The following NMD3 variants were observed in gnomAD, a reference collection of about 807,000 sequenced individuals.
NMD3 encodes the protein 60S ribosomal export protein NMD3.
Under a neutral mutation model 73.1 loss-of-function variants are expected in NMD3, and 47 were observed. The ratio of observed to expected loss-of-function variants is 0.64; its 90% confidence interval spans 0.51 to 0.82. The LOEUF is 0.82. Ranked by LOEUF, NMD3 falls within the 40% of genes least tolerant of loss-of-function variation. The probability of loss-of-function intolerance (pLI) is 0.00; values close to 1 mark genes in which losing one functional copy is unlikely to be tolerated. For synonymous variants in NMD3, 210 were observed against 194.5 expected (o/e 1.08, Z -0.66); for missense variants, 554 against 612.5 (o/e 0.90, Z 1.01).
At chr3:161,222,156 C>A in intron 2 of NMD3, 99 bp downstream of exon 2, 3 of 908,594 alleles carry the variant, frequency 3.3e-6, no homozygotes, top group Non-Finnish European at 5.4e-6. Context: ...TGGGAAAGAG[C>A]GTATATTGTC....
intron 4 of NMD3, among the ~76,000 whole-genome samples, chr3:161,229,179 G>C (rs1465364667): frequency 6.6e-6 from 1 of 152,204 alleles, no homozygotes; most frequent in African/African-American, 2.4e-5. Context: ...GGCCCTTATA[G>C]GGGCTGTTTC....
rs145480538 is a variant in NMD3, at chr3:161,228,585, A to T, written c.276+1242A>T. Among the ~76,000 whole-genome samples, 648 of 150,538 alleles carry T rather than the reference A, an allele frequency of 4.3e-3. 5 individuals are homozygous for T. Among genetic ancestry groups the T allele is most frequent in the African/African-American group, 0.015 (626 of 40,978 alleles). ...CCTCATTTGTCTCTGTTTTTTTATG[A>T]AGTCAGTTTTTTGTGTGTCTTGGTT... On this transcript the variant is annotated intron_variant, in intron 4 of 15. Coordinates refer to ENST00000351193, the MANE Select transcript of NMD3 (RefSeq NM_015938.5).
At chr3:161,229,100 T>C (rs1009157832) in intron 4 of NMD3, among the ~76,000 whole-genome samples, 1 of 151,790 alleles carries the variant, frequency 6.6e-6, no homozygotes, top group African/African-American at 2.4e-5. Flanking sequence ...AACGGAGTGG[T>C]GAGGGGAAAA....
intron 12 of NMD3, 126 bp downstream of exon 12, chr3:161,246,574 A>T: frequency 2.3e-6 from 1 of 429,260 alleles, no homozygotes. Context: ...TAGGAGCCTT[A>T]TAACTCATTT....
At position 161,238,775 on chromosome 3, in the gene NMD3, C is replaced by T. The variant is rs768144939; in HGVS notation, c.702C>T (p.Asn234=). ...QRLISQDIHS[N]TYNYKSTFSV... is the part of the protein sequence containing the mutation. ...TGATCTCTCAAGATATCCATAGTAA[C>T]ACATACAATTACAAAAGCACTTTTT... Residue 234 remains asparagine (N), a synonymous_variant, in exon 9 of 16, where the codon AAC becomes AAT. Transcript: ENST00000351193. 1 of 1,579,956 alleles carries T rather than the reference C, an allele frequency of 6.3e-7. No homozygotes were observed. Among genetic ancestry groups the T allele is most frequent in the Non-Finnish European group, 8.6e-7 (1 of 1,158,830 alleles).
At chr3:161,245,656 A>G (rs1197900083) in intron 11 of NMD3, among the ~76,000 whole-genome samples, 1 of 151,614 alleles carries the variant, frequency 6.6e-6, no homozygotes. Flanking sequence ...TCTCGATCTC[A>G]CTTCAGTTGG....
At chr3:161,227,042 A>G (rs536038106) in intron 3 of NMD3, among the ~76,000 whole-genome samples, 1 of 152,306 alleles carries the variant, frequency 6.6e-6, no homozygotes, top group East Asian at 1.9e-4. Context: ...TGACTTTCTC[A>G]GTCAGAATTT....
At position 161,247,282 on chromosome 3, in the gene NMD3, A is replaced by C. The variant is rs1202398518; in HGVS notation, c.1155A>C (p.Leu385Phe). 1.9e-6 allele frequency: 3 copies of C among 1,611,504 alleles called. No homozygotes were observed. The highest frequency in any genetic ancestry group is 2.2e-5 in the South Asian group (2 of 91,018). The change falls in exon 13 of 16, where the codon TTA becomes TTC. Residue 385 changes from leucine (L) to phenylalanine (F), a missense_variant. Transcript: ENST00000351193. Reference sequence around the variant, plus strand: ...GGTTTGATTTGGCCAACTGTAACTTAAATGATGAGCATGTCAACAAAATGA... The same window carrying C: ...GGTTTGATTTGGCCAACTGTAACTTCAATGATGAGCATGTCAACAAAATGA... ...VLGFDLANCN[L>F]NDEHVNKMNS...
rs1576849033 is a variant in NMD3 at position 161,235,129 on chromosome 3, A to AT, written c.495dup (p.Lys166Ter). ...AAATAATTTATATTTTAGACTTTGC[A>AT]TAAAAAAACTTTCTACTATCTGGAA... On this transcript the variant is annotated frameshift_variant, in exon 7 of 16. Transcript: ENST00000351193. LOFTEE classifies it high-confidence loss of function. The AT allele has an allele frequency of 6.7e-7, 1 of 1,484,780 alleles. No homozygotes were observed. Among genetic ancestry groups the AT allele is most frequent in the Admixed American group, 1.9e-5 (1 of 51,838 alleles). The allele number at this position is 1,484,780 out of a possible 1,614,324, so 92.0% of individuals were successfully genotyped here. A position where few individuals can be genotyped will look rare whatever the true frequency, so the allele number is the denominator to read the frequency against.
At chr3:161,237,837 C>G (rs1214139478) in intron 7 of NMD3, among the ~76,000 whole-genome samples, 2 of 151,970 alleles carry the variant, frequency 1.3e-5, no homozygotes, top group African/African-American at 4.8e-5. Context: ...TGTTCATAAA[C>G]TTTCTTTGTT....
intron 7 of NMD3, among the ~76,000 whole-genome samples, chr3:161,236,916 C>T (rs1453449712): frequency 6.6e-6 from 1 of 152,108 alleles, no homozygotes; most frequent in Non-Finnish European, 1.5e-5. Context: ...ATCTATATAT[C>T]TATCCTTATA....
chr3:161,228,817 A>G (rs1304923443), intron 4 of NMD3, among the ~76,000 whole-genome samples: 1 of 152,304 alleles, frequency 6.6e-6, no homozygotes, highest in Admixed American at 6.5e-5. Context: ...GCATGTTAGT[A>G]TGCAGCGATC....
intron 5 of NMD3, 33 bp downstream of exon 5, chr3:161,233,512 A>C: frequency 7.4e-7 from 1 of 1,345,516 alleles, no homozygotes; most frequent in Non-Finnish European, 1.1e-6. Flanking sequence ...AGCATGGTTA[A>C]AGTGCAGGTA....
intron 14 of NMD3, 110 bp from the exon 15 acceptor site, chr3:161,250,146 T>C (rs1236031204): frequency 3.3e-6 from 2 of 600,746 alleles, no homozygotes; most frequent in Non-Finnish European, 5.8e-6. Flanking sequence ...TTTCATGAAA[T>C]GTGAGTTGGA....
Position 161,251,511 on chromosome 3 carries a change from G to T in NMD3, c.*601G>T, listed in dbSNP as rs1737487126. ...ACAGAGAGTTATCTTAATTTTTATT[G>T]CAGTAGGAGGAAATATATTTAAAAT... On this transcript the variant is annotated 3_prime_UTR_variant, in exon 16 of 16. Transcript: ENST00000351193. 1.3e-5 allele frequency: 2 copies of T among 151,908 alleles called. No homozygotes were observed. Among genetic ancestry groups the T allele is most frequent in the Admixed American group, 1.3e-4 (2 of 15,228 alleles). The allele number at this position is 151,908 out of a possible 1,614,324, so 9.4% of individuals were successfully genotyped here. A position where few individuals can be genotyped will look rare whatever the true frequency, so the allele number is the denominator to read the frequency against.
chr3:161,234,817 A>G lies in NMD3; in HGVS notation c.448A>G (p.Lys150Glu). 1 of 1,613,462 alleles carries G rather than the reference A, an allele frequency of 6.2e-7. No homozygotes were observed. Among genetic ancestry groups the G allele is most frequent in the East Asian group, 2.2e-5 (1 of 44,762 alleles). ...TGGAGATTGCCATAGAGTAGAAGCT[A>G]AGGATTTCTGGAAGGCTGTGATTCA... ...MCGDCHRVEA[K>E]DFWKAVIQVR... Residue 150 changes from lysine (K) to glutamate (E), a missense_variant, in exon 6 of 16, where the codon AAG (lysine) becomes GAG (glutamate). Physicochemically the swap from Lys to Glu is moderately conservative, Grantham distance 56. Coordinates refer to ENST00000351193, the MANE Select transcript of NMD3 (RefSeq NM_015938.5).
intron 10 of NMD3, among the ~76,000 whole-genome samples, chr3:161,242,168 A>G (rs572575656): frequency 6.6e-6 from 1 of 152,282 alleles, no homozygotes; most frequent in East Asian, 1.9e-4. Context: ...TAAACTAAGC[A>G]GCTAAGGTGA....
chr3:161,224,847 G>T, intron 2 of NMD3, 83 bp from the exon 3 acceptor site: 1 of 1,345,994 alleles, frequency 7.4e-7, no homozygotes, highest in Middle Eastern at 2.0e-4. Context: ...TAACTTGAAG[G>T]CTTTTGTTTG....
rs1302551643 is a variant in NMD3 at position 161,250,274 on chromosome 3, T to C, written c.1329T>C (p.Leu443=). 15 of 1,585,158 alleles carry C rather than the reference T, an allele frequency of 9.5e-6. 1 individual carries two copies. Among genetic ancestry groups the C allele is most frequent in the Middle Eastern group, 3.3e-4 (2 of 5,984 alleles). ...TDDERQYQDF[L]EDLEEDEAIR... ...TTTAAAGGCAATACCAAGATTTTCT[T>C]GAAGATCTTGAAGAAGATGAGGCAA... The change falls in exon 15 of 16, where the codon CTT becomes CTC. Residue 443 remains leucine (L), a synonymous_variant. Transcript: ENST00000351193.
Sources: gnomAD v4.1 joint callset for allele counts (sites outside exome capture counted in the v4.1 genomes callset) on GRCh38, gnomAD v4.1.1 for gene constraint, MANE v1.5 for transcripts, NCBI Gene and HGNC (gene_info 2026-07-23, HGNC 2026-07-21) for gene names.